Variants in NELL2 observed in about 807,000 individuals in gnomAD.
NELL2 encodes the protein neural EGFL like 2, also known as protein kinase C-binding protein NELL2.
NELL2 carries 41 observed loss-of-function variants against 109.6 expected under a neutral mutation model. The observed-to-expected ratio is 0.37, with a 90% CI of 0.29 to 0.49. The LOEUF (loss-of-function observed/expected upper bound fraction) is 0.49, where lower values mean the gene tolerates loss of function less well. NELL2 is among the 20% of genes least tolerant of loss of function. The probability of loss-of-function intolerance (pLI) is 0.98; values close to 1 mark genes in which losing one functional copy is unlikely to be tolerated. For synonymous variants in NELL2, 355 were observed against 344.7 expected (o/e 1.03, Z -0.33); for missense variants, 900 against 1,008.3 (o/e 0.89, Z 1.45).
intron 15 of NELL2, among the ~76,000 whole-genome samples, chr12:44,566,566 C>CACACACACACACACACACACAG (rs377368706): frequency 4.3e-5 from 6 of 138,518 alleles, no homozygotes; most frequent in African/African-American, 1.5e-4. Flanking sequence ...CACACACACA[C>CACACACACACACACACACACAG]AGAGTTTTAT....
chr12:44,577,560 C>T (rs1315800987), intron 15 of NELL2, among the ~76,000 whole-genome samples: 1 of 147,486 alleles, frequency 6.8e-6, no homozygotes, highest in African/African-American at 2.6e-5. Flanking sequence ...TCACTGCAAG[C>T]CCCGCCTCCC....
intron 15 of NELL2, among the ~76,000 whole-genome samples, chr12:44,586,516 T>A (rs542900456): frequency 9.9e-5 from 15 of 152,104 alleles, no homozygotes; most frequent in Non-Finnish European, 2.2e-4. Context: ...TCTACCTATA[T>A]AATTTTCGAG....
At chr12:44,747,599 AT>A in intron 9 of NELL2, among the ~76,000 whole-genome samples, 1 of 152,206 alleles carries the variant, frequency 6.6e-6, no homozygotes, top group East Asian at 1.9e-4. Flanking sequence ...TTATACGTGG[AT>A]TTTTGACTGC....
intron 3 of NELL2, among the ~76,000 whole-genome samples, chr12:44,811,733 A>G (rs1943186317): frequency 6.6e-6 from 1 of 152,080 alleles, no homozygotes; most frequent in African/African-American, 2.4e-5. Flanking sequence ...CCATATGGAG[A>G]TAACACTGGA....
At chr12:44,597,324 C>A (rs1461464501) in intron 15 of NELL2, among the ~76,000 whole-genome samples, 1 of 152,138 alleles carries the variant, frequency 6.6e-6, no homozygotes, top group Non-Finnish European at 1.5e-5. Flanking sequence ...CTTATATCTG[C>A]CAGGACTTTC....
intron 9 of NELL2, among the ~76,000 whole-genome samples, chr12:44,770,381 T>C (rs1941501130): frequency 6.6e-6 from 1 of 152,140 alleles, no homozygotes. Context: ...ACTGAGTCCA[T>C]GAGAGGTTAA....
At chr12:44,626,510 T>C (rs73284080) in intron 13 of NELL2, among the ~76,000 whole-genome samples, 25,943 of 152,192 alleles carry the variant, frequency 0.17, 3,483 homozygotes, top group African/African-American at 0.37. Context: ...CTCTCTAACA[T>C]TATACTATAC....
upstream of NELL2, among the ~76,000 whole-genome samples, chr12:44,879,799 C>T (rs765143725): frequency 2.6e-5 from 4 of 151,828 alleles, no homozygotes; most frequent in Non-Finnish European, 4.4e-5. Context: ...GCATGTTGGC[C>T]GAAGCTTGCC....
chr12:44,600,007 GC>G (rs1347097795), intron 15 of NELL2, among the ~76,000 whole-genome samples: 2 of 145,460 alleles, frequency 1.4e-5, no homozygotes, highest in Non-Finnish European at 3.0e-5. Context: ...TGCCGCCCAG[GC>G]TGGAGTGCAG....
chr12:44,652,164 C>T (rs1485789730), intron 13 of NELL2, among the ~76,000 whole-genome samples: 1 of 152,122 alleles, frequency 6.6e-6, no homozygotes, highest in Admixed American at 6.5e-5. Flanking sequence ...CTCAACAATC[C>T]TGCATTCTGG....
chr12:44,510,857 C>T (rs7958770), intron 19 of NELL2, among the ~76,000 whole-genome samples: 20,999 of 152,144 alleles, frequency 0.14, 3,193 homozygotes, highest in African/African-American at 0.38. Flanking sequence ...AAAGGCCACT[C>T]TGAGGTGCCG....
rs74920824 is a variant in NELL2 at position 44,911,172 on chromosome 12, A to C, written c.38+2627T>G. Reference sequence around the variant, plus strand: ...CTGAAATTATTAAATAAATAGGTAAATAAAGTACTGTTTTACAAATGTGGG... The same window carrying C: ...CTGAAATTATTAAATAAATAGGTAACTAAAGTACTGTTTTACAAATGTGGG... On this transcript the variant is annotated intron_variant, in intron 1 of 20. Coordinates refer to the NELL2 transcript ENST00000333837. Among the ~76,000 whole-genome samples the C allele has an allele frequency of 7.9e-3, 1,197 of 152,118 alleles. 15 individuals carry two copies. Among genetic ancestry groups the C allele is most frequent in the African/African-American group, 0.027 (1,117 of 41,530 alleles).
chr12:44,633,865 T>C (rs1156543456), intron 13 of NELL2, among the ~76,000 whole-genome samples: 1 of 152,118 alleles, frequency 6.6e-6, no homozygotes, highest in Admixed American at 6.6e-5. Context: ...GAGCTTCTAC[T>C]GAAGAGGGAA....
chr12:44,596,212 A>G (rs1944957008), intron 15 of NELL2, among the ~76,000 whole-genome samples: 1 of 152,218 alleles, frequency 6.6e-6, no homozygotes, highest in Non-Finnish European at 1.5e-5. Flanking sequence ...TGCTGTTCAC[A>G]CACAAGAACT....
intron 15 of NELL2, among the ~76,000 whole-genome samples, chr12:44,537,459 T>G (rs1175700848): frequency 2.6e-5 from 4 of 152,042 alleles, no homozygotes; most frequent in Non-Finnish European, 4.4e-5. Context: ...ATCCATCTCT[T>G]TTTTTTGGAT....
chr12:44,791,096 T>TATATATATATATAC (rs1491151191), intron 3 of NELL2, among the ~76,000 whole-genome samples: 5 of 23,852 alleles, frequency 2.1e-4, no homozygotes, highest in African/African-American at 6.1e-4. Context: ...TATATATATA[T>TATATATATATATAC]GTATATATAT....
chr12:44,639,819 A>G (rs899348572), intron 13 of NELL2, among the ~76,000 whole-genome samples: 10 of 151,020 alleles, frequency 6.6e-5, no homozygotes, highest in Non-Finnish European at 1.5e-4. Context: ...ATGGCTTACC[A>G]TGACATCTAG....
intron 9 of NELL2, among the ~76,000 whole-genome samples, chr12:44,760,184 C>T (rs1941062069): frequency 6.6e-6 from 1 of 152,112 alleles, no homozygotes; most frequent in African/African-American, 2.4e-5. Context: ...TGTTACTCCA[C>T]CAAAATTAGT....
At chr12:44,745,114 T>C (rs1004048412) in intron 9 of NELL2, among the ~76,000 whole-genome samples, 2 of 152,082 alleles carry the variant, frequency 1.3e-5, no homozygotes, top group African/African-American at 4.8e-5. Context: ...CATAATCGAG[T>C]GGGCTTCATC....
Sources: allele counts gnomAD v4.1 joint callset (sites outside exome capture counted in the v4.1 genomes callset), GRCh38; gene constraint gnomAD v4.1.1; transcripts MANE v1.5; gene names NCBI Gene and HGNC (gene_info 2026-07-23, HGNC 2026-07-21).